HDAC9: variants seen among roughly 807,000 people sequenced by gnomAD.
HDAC9 encodes histone deacetylase 9.
A neutral mutation model predicts 139.4 loss-of-function variants in HDAC9; 41 were observed. The ratio of observed to expected loss-of-function variants is 0.29; its 90% CI spans 0.23 to 0.38. The LOEUF is 0.38. HDAC9 is among the 10% of genes least tolerant of loss of function. HDAC9 has a pLI of 1.00. For missense variants in HDAC9, 1,147 were observed against 1,297.0 expected (o/e 0.88, Z 1.78); for synonymous variants, 517 against 476.2 (o/e 1.09, Z -1.12).
chr7:18,631,069 C>T (rs937448780), intron 7 of HDAC9, among the ~76,000 whole-genome samples: 2 of 152,044 alleles, frequency 1.3e-5, no homozygotes, highest in South Asian at 2.1e-4. Flanking sequence ...TTTTCTTGAT[C>T]ATAGCTTTTT....
intron 2 of HDAC9, among the ~76,000 whole-genome samples, chr7:18,174,717 G>A (rs1329817471): frequency 6.6e-6 from 1 of 152,146 alleles, no homozygotes; most frequent in Non-Finnish European, 1.5e-5. Flanking sequence ...ACCCTCAGCT[G>A]CAGGTCTGTT....
intron 1 of HDAC9, among the ~76,000 whole-genome samples, chr7:18,350,025 T>C (rs1159846304): frequency 6.6e-6 from 1 of 152,142 alleles, no homozygotes; most frequent in Non-Finnish European, 1.5e-5. Context: ...TATATAAGCA[T>C]GGTAATGCTA....
intron 24 of HDAC9, among the ~76,000 whole-genome samples, chr7:18,970,862 G>A (rs1196073014): frequency 6.6e-6 from 1 of 152,148 alleles, no homozygotes; most frequent in Non-Finnish European, 1.5e-5. Context: ...CCAAAATGAT[G>A]ATGGAATGAG....
At chr7:18,572,649 T>C (rs902330762) in intron 2 of HDAC9, among the ~76,000 whole-genome samples, 2 of 152,174 alleles carry the variant, frequency 1.3e-5, no homozygotes, top group African/African-American at 2.4e-5. Context: ...ATTTTGAATC[T>C]TCTCAAGATT....
intron 17 of HDAC9, among the ~76,000 whole-genome samples, chr7:18,808,904 G>A (rs543750431): frequency 4.6e-5 from 7 of 151,784 alleles, no homozygotes; most frequent in South Asian, 2.1e-4. Context: ...CAACAAAAAC[G>A]AAGATGAAGA....
intron 2 of HDAC9, among the ~76,000 whole-genome samples, chr7:18,258,452 C>G (rs777612565): frequency 6.6e-6 from 1 of 152,066 alleles, no homozygotes; most frequent in African/African-American, 2.4e-5. Flanking sequence ...GTACACTGTA[C>G]CCAGTGTGTA....
rs1485631847 is a variant in HDAC9 at position 18,732,773 on chromosome 7, ATGTGTACACACACGTGTGTT to A, written c.1909+5022_1909+5041del. ...TGTACACACACGTGTATGTGTGCGT[ATGTGTACACACACGTGTGTT>A]TGTGTGCGTATGTGTACACACACGT... On this transcript the variant is annotated intron_variant, in intron 13 of 25. Coordinates refer to ENST00000686413, the MANE Select transcript of HDAC9 (RefSeq NM_178425.4). 5.2e-4 allele frequency among the ~76,000 whole-genome samples: 40 copies of A among 76,736 alleles called. 3 individuals carry two copies. Among genetic ancestry groups the A allele is most frequent in the African/African-American group, 7.6e-4 (11 of 14,398 alleles). The allele number at this position is 76,736 out of a possible 152,430, so 50.3% of individuals were successfully genotyped here. A position where few individuals can be genotyped will look rare whatever the true frequency, so the allele number is the denominator to read the frequency against.
At chr7:18,686,996 A>C (rs2129094512) in intron 12 of HDAC9, among the ~76,000 whole-genome samples, 1 of 152,002 alleles carries the variant, frequency 6.6e-6, no homozygotes, top group East Asian at 1.9e-4. Context: ...TAAAATTATT[A>C]GATAAAAGAT....
At chr7:18,684,987 T>A (rs1483575785) in intron 12 of HDAC9, among the ~76,000 whole-genome samples, 2 of 152,044 alleles carry the variant, frequency 1.3e-5, no homozygotes, top group African/African-American at 2.4e-5. Flanking sequence ...TATGTGGTTT[T>A]CTTTTCCTTG....
At chr7:18,266,869 A>G (rs1248259491) in intron 2 of HDAC9, among the ~76,000 whole-genome samples, 1 of 152,148 alleles carries the variant, frequency 6.6e-6, no homozygotes, top group Non-Finnish European at 1.5e-5. Flanking sequence ...ATGCTTTTTG[A>G]GAACTAGTGC....
At chr7:18,725,645 G>A (rs949325078) in intron 12 of HDAC9, among the ~76,000 whole-genome samples, 2 of 152,004 alleles carry the variant, frequency 1.3e-5, no homozygotes, top group Admixed American at 1.3e-4. Context: ...AAAGGGAGGA[G>A]ATGGATATTA....
intron 1 of HDAC9, among the ~76,000 whole-genome samples, chr7:18,456,200 A>C (rs1413275874): frequency 6.6e-6 from 1 of 152,144 alleles, no homozygotes; most frequent in Non-Finnish European, 1.5e-5. Context: ...CATTTGCATT[A>C]TTTGTCCAAC....
intron 13 of HDAC9, among the ~76,000 whole-genome samples, chr7:18,746,276 GTTC>G (rs1176675374): frequency 1.3e-5 from 2 of 152,046 alleles, no homozygotes; most frequent in East Asian, 3.8e-4. Flanking sequence ...ATGTTAAACA[GTTC>G]TTCTTATATA....
chr7:18,412,331 C>T (rs550110393), intron 1 of HDAC9, among the ~76,000 whole-genome samples: 1 of 152,068 alleles, frequency 6.6e-6, no homozygotes, highest in Admixed American at 6.5e-5. Flanking sequence ...ATATAGCTCA[C>T]TGAAAAAACT....
At chr7:18,405,639 C>A (rs1243066240) in intron 1 of HDAC9, among the ~76,000 whole-genome samples, 1 of 151,770 alleles carries the variant, frequency 6.6e-6, no homozygotes, top group Admixed American at 6.6e-5. Flanking sequence ...AAGAAAATAT[C>A]TTTTGAATGT....
At chr7:18,165,433 T>C (rs890083674) in intron 2 of HDAC9, among the ~76,000 whole-genome samples, 3 of 152,160 alleles carry the variant, frequency 2.0e-5, no homozygotes, top group African/African-American at 4.8e-5. Context: ...AGTAAATGTT[T>C]CTCTTGTGAG....
intron 2 of HDAC9, among the ~76,000 whole-genome samples, chr7:18,520,992 G>A (rs933384823): frequency 5.3e-5 from 8 of 152,250 alleles, no homozygotes; most frequent in African/African-American, 9.6e-5. Context: ...CTTAGTCATC[G>A]GCAGTCCTCC....
chr7:18,090,932 A>T (rs1562608046), intron 1 of HDAC9, among the ~76,000 whole-genome samples: 2 of 152,120 alleles, frequency 1.3e-5, no homozygotes, highest in Non-Finnish European at 2.9e-5. Context: ...TCCCACTAGA[A>T]TTTTTTTAGG....
At chr7:18,485,251 A>G (rs2128130837) in intron 1 of HDAC9, among the ~76,000 whole-genome samples, 1 of 152,274 alleles carries the variant, frequency 6.6e-6, no homozygotes, top group East Asian at 1.9e-4. Context: ...TCATATTAAA[A>G]TGTCAGATTT....
Sources: allele counts gnomAD v4.1 joint callset (sites outside exome capture counted in the v4.1 genomes callset), GRCh38; gene constraint gnomAD v4.1.1; transcripts MANE v1.5; gene names NCBI Gene and HGNC (gene_info 2026-07-23, HGNC 2026-07-21).